Variants in ST8SIA4 observed in about 807,000 individuals in gnomAD.
The protein encoded by ST8SIA4 is CMP-N-acetylneuraminate-poly-alpha-2,8-sialyltransferase.
A neutral mutation model predicts 33.9 loss-of-function variants in ST8SIA4; 15 were observed. The ratio of observed to expected loss-of-function variants is 0.44; its 90% confidence interval spans 0.30 to 0.68. The LOEUF (loss-of-function observed/expected upper bound fraction) is 0.68. ST8SIA4 is among the 30% of genes least tolerant of loss of function. ST8SIA4 has a pLI of 0.10. For synonymous variants in ST8SIA4, 171 were observed against 151.2 expected, an observed-to-expected ratio of 1.13 and a Z score of -0.96; for missense variants, 321 against 428.0, an observed-to-expected ratio of 0.75 and a Z score of 2.21.
In ST8SIA4 at chr5:100,812,129, ACTGG is replaced by A. The variant is rs1205719640; in HGVS notation, c.798-4_798-1del. On this transcript the variant is annotated splice_acceptor_variant and splice_polypyrimidine_tract_variant and intron_variant, in intron 4 of 4. Transcript: ENST00000231461. LOFTEE classifies it high-confidence loss of function. ...TAGGAACTTTGTTGGTCAGCCAGTA[ACTGG>A]AAAAACAAAAAACAAAATCAAGAAG... 1.2e-6 allele frequency: 2 copies of A among 1,603,264 alleles called. No homozygotes were observed. Among genetic ancestry groups the A allele is most frequent in the Admixed American group, 3.5e-5 (2 of 57,516 alleles).
intron 3 of ST8SIA4, among the ~76,000 whole-genome samples, chr5:100,857,355 T>A (rs1318691811): frequency 6.6e-6 from 1 of 151,990 alleles, no homozygotes; most frequent in Non-Finnish European, 1.5e-5. Flanking sequence ...TAGACCTTTT[T>A]ATACCTGATT....
At chr5:100,840,351 T>C (rs1751447381) in intron 4 of ST8SIA4, among the ~76,000 whole-genome samples, 1 of 151,894 alleles carries the variant, frequency 6.6e-6, no homozygotes, top group Non-Finnish European at 1.5e-5. Context: ...TGTGTGTGTA[T>C]ATACATACAT....
chr5:100,872,260 G>A (rs115162615), intron 3 of ST8SIA4, among the ~76,000 whole-genome samples: 2,576 of 151,942 alleles, frequency 0.017, 31 homozygotes, highest in Admixed American at 0.026. Context: ...GGTACAGCAC[G>A]TATAGATTAT....
chr5:100,828,948 C>G (rs565148008), intron 4 of ST8SIA4, among the ~76,000 whole-genome samples: 1 of 152,196 alleles, frequency 6.6e-6, no homozygotes, highest in Non-Finnish European at 1.5e-5. Context: ...AAATGACTCA[C>G]TATGAAATAA....
chr5:100,899,517 T>C (rs72778635), intron 1 of ST8SIA4, among the ~76,000 whole-genome samples: 37,465 of 152,122 alleles, frequency 0.25, 5,323 homozygotes, highest in Non-Finnish European at 0.32. Context: ...CTAATATTGT[T>C]GATTATTTAG....
At position 100,808,740 on chromosome 5, in the gene ST8SIA4, T is replaced by C. The variant is rs946974407; in HGVS notation, c.*3107A>G. ...TTGGTTAAATCTCAACTCTTTTTCT[T>C]ATTCTTGCCATTAGCCTTCATTGAT... On this transcript the variant is annotated 3_prime_UTR_variant, in exon 5 of 5. Transcript: ENST00000231461. The C allele has an allele frequency of 6.5e-6, 1 of 152,698 alleles. No individual in the cohort carries two copies. The highest frequency in any genetic ancestry group is 1.5e-5 in the Non-Finnish European group (1 of 68,048). 9.5% of individuals were successfully genotyped at this position (152,698 alleles called of 1,614,324 possible).
intron 4 of ST8SIA4, among the ~76,000 whole-genome samples, chr5:100,834,392 C>G (rs1249675044): frequency 6.6e-6 from 1 of 151,956 alleles, no homozygotes; most frequent in Non-Finnish European, 1.5e-5. Flanking sequence ...ATGAAAATGC[C>G]TATAATTTGG....
chr5:100,885,038 T>A lies in ST8SIA4; in HGVS notation c.503+1305A>T, dbSNP rs185827886. Reference sequence around the variant, plus strand: ...CTTCTTTGTTTTACCTGACTTATGATTTAGTCACATCAGAAATTCTAGAGG... The same window carrying A: ...CTTCTTTGTTTTACCTGACTTATGAATTAGTCACATCAGAAATTCTAGAGG... On this transcript the variant is annotated intron_variant, in intron 3 of 4. Coordinates refer to ENST00000231461, the MANE Select transcript of ST8SIA4 (RefSeq NM_005668.6). Among the ~76,000 whole-genome samples the A allele has an allele frequency of 7.7e-5, 10 of 129,116 alleles. No homozygotes were observed. The East Asian group carries it at 1.9e-3, about 25-fold the overall frequency. The allele number at this position is 129,116 out of a possible 152,430, so 84.7% of individuals were successfully genotyped here.
chr5:100,849,808 A>C (rs1197247195), intron 4 of ST8SIA4, among the ~76,000 whole-genome samples: 2 of 152,106 alleles, frequency 1.3e-5, no homozygotes, highest in East Asian at 1.9e-4. Flanking sequence ...AAAGAAACCC[A>C]AAAAACAAAA....
intron 3 of ST8SIA4, among the ~76,000 whole-genome samples, chr5:100,863,946 T>C (rs1752005268): frequency 6.6e-6 from 1 of 152,190 alleles, no homozygotes; most frequent in Non-Finnish European, 1.5e-5. Context: ...GAAAGGTGCT[T>C]TTAGTCAGAG....
At chr5:100,858,695 T>C (rs965650720) in intron 3 of ST8SIA4, among the ~76,000 whole-genome samples, 22 of 152,106 alleles carry the variant, frequency 1.4e-4, no homozygotes, top group African/African-American at 4.8e-4. Flanking sequence ...AGAATATTTA[T>C]GGAGAACAGA....
chr5:100,832,261 T>C (rs17780091), intron 4 of ST8SIA4, among the ~76,000 whole-genome samples: 35,246 of 151,952 alleles, frequency 0.23, 5,130 homozygotes, highest in Non-Finnish European at 0.32. Context: ...GAGGCTCTAT[T>C]GGGGCACCAC....
intron 3 of ST8SIA4, among the ~76,000 whole-genome samples, chr5:100,858,319 G>C (rs980858275): frequency 4.6e-5 from 7 of 151,872 alleles, no homozygotes; most frequent in Non-Finnish European, 1.0e-4. Flanking sequence ...AGTGGCTTTG[G>C]ACATATTTTT....
intron 2 of ST8SIA4, among the ~76,000 whole-genome samples, chr5:100,889,379 T>C (rs1008215510): frequency 6.6e-6 from 1 of 151,936 alleles, no homozygotes; most frequent in Non-Finnish European, 1.5e-5. Context: ...ATAATTTAAA[T>C]GGGTTGCTGT....
chr5:100,822,101 A>G (rs1751044149), intron 4 of ST8SIA4, among the ~76,000 whole-genome samples: 1 of 152,242 alleles, frequency 6.6e-6, no homozygotes, highest in African/African-American at 2.4e-5. Context: ...TTTAGCCCTG[A>G]AACTTTAAAG....
In ST8SIA4 at chr5:100,811,823, A is replaced by G; in HGVS notation, c.*24T>C. 1.3e-6 allele frequency: 2 copies of G among 1,582,326 alleles called. No individual in the cohort carries two copies. The highest frequency in any genetic ancestry group is 1.7e-6 in the Non-Finnish European group (2 of 1,164,922). ...GGAAGCATCTTCAGAAAAGAAGTGC[A>G]TATTGTTTGTTTCAAAATGTGCTTT... is the stretch of plus-strand genomic sequence containing the variant. On this transcript the variant is annotated 3_prime_UTR_variant, in exon 5 of 5. Coordinates refer to ENST00000231461, the MANE Select transcript of ST8SIA4 (RefSeq NM_005668.6).
intron 3 of ST8SIA4, among the ~76,000 whole-genome samples, chr5:100,868,136 C>T (rs1264503378): frequency 1.3e-5 from 2 of 151,910 alleles, no homozygotes; most frequent in African/African-American, 4.8e-5. Flanking sequence ...GCTGAGGTAC[C>T]ACCATGTTTC....
chr5:100,845,652 G>A (rs558322287), intron 4 of ST8SIA4, among the ~76,000 whole-genome samples: 13 of 151,908 alleles, frequency 8.6e-5, no homozygotes, highest in South Asian at 8.3e-4. Flanking sequence ...CCTGTAGTTC[G>A]TTAATATAGC....
intron 4 of ST8SIA4, among the ~76,000 whole-genome samples, chr5:100,822,902 C>T (rs565414271): frequency 2.0e-5 from 3 of 152,208 alleles, no homozygotes; most frequent in South Asian, 4.1e-4. Context: ...GAGACCGAGG[C>T]GGGCGGATCA....
Sources: gnomAD v4.1 joint callset for allele counts (sites outside exome capture counted in the v4.1 genomes callset) on GRCh38, gnomAD v4.1.1 for gene constraint, MANE v1.5 for transcripts, NCBI Gene and HGNC (gene_info 2026-07-23, HGNC 2026-07-21) for gene names.